SV2C: variants seen among roughly 807,000 people sequenced by gnomAD.
SV2C encodes the protein solute carrier family 22 member B3.
Under a neutral mutation model 79.7 loss-of-function variants are expected in SV2C, and 49 were observed. That is an observed-to-expected ratio of 0.61 (90% CI 0.49 to 0.78). SV2C has a LOEUF of 0.78. Ranked by LOEUF, SV2C falls within the 30% of genes least tolerant of loss-of-function variation. The probability of loss-of-function intolerance (pLI) is 0.00; values close to 1 mark genes in which losing one functional copy is unlikely to be tolerated. For synonymous variants in SV2C, 334 were observed against 333.2 expected (o/e 1.00, Z -0.03); for missense variants, 833 against 912.9 (o/e 0.91, Z 1.13).
chr5:76,168,077 G>A (rs1743097111), intron 2 of SV2C, among the ~76,000 whole-genome samples: 2 of 151,588 alleles, frequency 1.3e-5, no homozygotes, highest in South Asian at 4.3e-4. Flanking sequence ...CTGTATAAAT[G>A]CACAAGTCTC....
chr5:76,261,952 C>G (rs569384460), intron 4 of SV2C, among the ~76,000 whole-genome samples: 16 of 152,304 alleles, frequency 1.1e-4, no homozygotes, highest in African/African-American at 3.9e-4. Context: ...TTGATGCTGG[C>G]CTCATAAAAT....
intron 12 of SV2C, among the ~76,000 whole-genome samples, chr5:76,349,058 C>G (rs1554049702): frequency 6.6e-6 from 1 of 152,158 alleles, no homozygotes; most frequent in Non-Finnish European, 1.5e-5. Flanking sequence ...TTTCCATACT[C>G]TATCATGTCT....
the SV2C span, among the ~76,000 whole-genome samples, chr5:75,988,566 G>A: frequency 1.3e-5 from 2 of 151,906 alleles, no homozygotes; most frequent in Non-Finnish European, 2.9e-5. Flanking sequence ...TTCTTTGACA[G>A]TATAAGTAAA....
chr5:75,991,848 A>G, the SV2C span, among the ~76,000 whole-genome samples: 1 of 151,820 alleles, frequency 6.6e-6, no homozygotes. Context: ...TGCCAGCTCT[A>G]TCATATACTA....
chr5:76,255,551 C>G (rs1322549593), intron 4 of SV2C, among the ~76,000 whole-genome samples: 1 of 152,160 alleles, frequency 6.6e-6, no homozygotes, highest in Non-Finnish European at 1.5e-5. Flanking sequence ...TCCTTTGGCC[C>G]CACTGTCCTA....
At chr5:75,898,355 T>C in the SV2C span, among the ~76,000 whole-genome samples, 2 of 152,244 alleles carry the variant, frequency 1.3e-5, no homozygotes, top group East Asian at 3.8e-4. Context: ...GTTCTCTTTA[T>C]ATGCTGGATT....
At chr5:76,202,015 C>CAAAAAAAAAAA (rs373279209) in intron 3 of SV2C, among the ~76,000 whole-genome samples, 42 of 81,920 alleles carry the variant, frequency 5.1e-4, no homozygotes, top group South Asian at 9.6e-4. Context: ...GACTCCATCT[C>CAAAAAAAAAAA]AAAAAAAAAA....
chr5:75,938,354 C>T, the SV2C span, among the ~76,000 whole-genome samples: 2 of 152,088 alleles, frequency 1.3e-5, no homozygotes, highest in Admixed American at 1.3e-4. Flanking sequence ...CACAAGAATG[C>T]TCATAGTGGT....
chr5:76,112,083 G>A (rs997793483), intron 1 of SV2C, among the ~76,000 whole-genome samples: 1 of 152,202 alleles, frequency 6.6e-6, no homozygotes, highest in East Asian at 1.9e-4. Context: ...AATGTATCAG[G>A]CATTCTGCTA....
chr5:76,310,982 T>C (rs1325425845), intron 12 of SV2C, among the ~76,000 whole-genome samples: 2 of 152,202 alleles, frequency 1.3e-5, no homozygotes, highest in African/African-American at 4.8e-5. Context: ...AAATGGTGTA[T>C]GACATTGAGA....
chr5:76,262,622 T>C (rs1193231147), intron 4 of SV2C, among the ~76,000 whole-genome samples: 1 of 152,248 alleles, frequency 6.6e-6, no homozygotes, highest in Non-Finnish European at 1.5e-5. Context: ...GAGATTCTGG[T>C]ACATTGTCTG....
At chr5:75,869,537 G>A in the SV2C span, among the ~76,000 whole-genome samples, 1 of 152,270 alleles carries the variant, frequency 6.6e-6, no homozygotes, top group Admixed American at 6.5e-5. Flanking sequence ...CTAGTGCCTG[G>A]CTCCTGGATG....
chr5:76,189,395 A>G (rs184567142), intron 2 of SV2C, among the ~76,000 whole-genome samples: 298 of 152,202 alleles, frequency 2.0e-3, no homozygotes, highest in African/African-American at 7.0e-3. Flanking sequence ...TGGTAATAAA[A>G]CAAACCAATT....
chr5:76,326,956 G>A lies in SV2C; in HGVS notation c.*1409G>A, dbSNP rs1749028226. Reference sequence around the variant, plus strand: ...GTAGACTTGCAGCCAATGACCAGAAGCCAGGAATAAATCCCATATTTAAAC... The same window carrying A: ...GTAGACTTGCAGCCAATGACCAGAAACCAGGAATAAATCCCATATTTAAAC... On this transcript the variant is annotated 3_prime_UTR_variant, in exon 13 of 13. Transcript: ENST00000502798. The A allele has an allele frequency of 6.6e-6, 1 of 152,160 alleles. No homozygotes were observed. The allele number at this position is 152,160 out of a possible 1,614,324, so 9.4% of individuals were successfully genotyped here. A position where few individuals can be genotyped will look rare whatever the true frequency, so the allele number is the denominator to read the frequency against.
At chr5:75,922,466 C>T in the SV2C span, among the ~76,000 whole-genome samples, 243 of 152,204 alleles carry the variant, frequency 1.6e-3, 2 homozygotes, top group Middle Eastern at 0.014. Context: ...ATAGCAACTG[C>T]TATAGGCAAT....
chr5:76,019,891 T>C, the SV2C span, among the ~76,000 whole-genome samples: 2 of 152,166 alleles, frequency 1.3e-5, no homozygotes, highest in East Asian at 1.9e-4. Flanking sequence ...CTTTGACGGA[T>C]ACGAGTAAAT....
At chr5:76,347,000 G>T (rs1443228041) in intron 12 of SV2C, among the ~76,000 whole-genome samples, 2 of 152,168 alleles carry the variant, frequency 1.3e-5, no homozygotes, top group Non-Finnish European at 2.9e-5. Context: ...AGATTAAACT[G>T]CAGGAAGTGT....
At chr5:76,223,486 T>C (rs1448237939) in intron 4 of SV2C, among the ~76,000 whole-genome samples, 1 of 42,582 alleles carries the variant, frequency 2.3e-5, no homozygotes, top group Non-Finnish European at 3.9e-5. Context: ...TATATATATA[T>C]ATATATATAT....
At chr5:76,011,860 G>A in the SV2C span, among the ~76,000 whole-genome samples, 1 of 152,088 alleles carries the variant, frequency 6.6e-6, no homozygotes, top group African/African-American at 2.4e-5. Context: ...AATATGTGGT[G>A]TTTGGTTTTC....
Sources: allele counts gnomAD v4.1 joint callset (sites outside exome capture counted in the v4.1 genomes callset), GRCh38; gene constraint gnomAD v4.1.1; transcripts MANE v1.5; gene names NCBI Gene and HGNC (gene_info 2026-07-23, HGNC 2026-07-21).